Variants in MBNL2 observed in about 807,000 individuals in gnomAD.
MBNL2 encodes the protein muscleblind-like protein 2.
MBNL2 carries 17 observed loss-of-function variants against 41.9 expected under a neutral mutation model. That is an observed-to-expected ratio of 0.41 (90% confidence interval 0.28 to 0.61). The LOEUF is 0.61. Ranked by LOEUF, MBNL2 falls within the 20% of genes least tolerant of loss-of-function variation. The pLI, the probability that MBNL2 is intolerant of heterozygous loss-of-function variation, is 0.35. For synonymous variants in MBNL2, 195 were observed against 182.9 expected (o/e 1.07, Z -0.53); for missense variants, 336 against 505.6 (o/e 0.66, Z 3.22).
At chr13:97,353,386 A>G (rs2062678561) in intron 5 of MBNL2, among the ~76,000 whole-genome samples, 1 of 152,262 alleles carries the variant, frequency 6.6e-6, no homozygotes, top group Admixed American at 6.5e-5. Context: ...TACTCAGTAC[A>G]CAGAAGAAAA....
intron 8 of MBNL2, among the ~76,000 whole-genome samples, chr13:97,383,703 G>A (rs574637467): frequency 6.6e-6 from 1 of 152,222 alleles, no homozygotes; most frequent in Admixed American, 6.5e-5. Flanking sequence ...GAGTAAAGCT[G>A]ATTGTCATAT....
rs926955948 is a variant in MBNL2, at chr13:97,276,060, G to T, written c.-176G>T. ...GGGACATATTGATTGATGAGTGATTGCCTGTCCATACACTCTCTCATCATC... is the reference window on the plus strand; with the variant it reads ...GGGACATATTGATTGATGAGTGATTTCCTGTCCATACACTCTCTCATCATC... On this transcript the variant is annotated 5_prime_UTR_variant, in exon 2 of 9. Coordinates refer to ENST00000679496, the MANE Select transcript of MBNL2 (RefSeq NM_001382683.1). 22 of 539,914 alleles carry T rather than the reference G, an allele frequency of 4.1e-5. No homozygotes were observed. The highest frequency in any genetic ancestry group is 1.9e-4 in the African/African-American group (10 of 52,326). 33.4% of individuals were successfully genotyped at this position (539,914 alleles called of 1,614,324 possible).
At chr13:97,379,527 G>A (rs1464791847) in intron 8 of MBNL2, among the ~76,000 whole-genome samples, 2 of 152,160 alleles carry the variant, frequency 1.3e-5, no homozygotes, top group African/African-American at 4.8e-5. Context: ...GCCTGCAGGA[G>A]CGACTGTAAA....
intron 8 of MBNL2, among the ~76,000 whole-genome samples, chr13:97,376,725 G>A (rs1188299698): frequency 6.6e-6 from 1 of 152,138 alleles, no homozygotes; most frequent in Non-Finnish European, 1.5e-5. Context: ...GGCATTGTAG[G>A]TCTGACTTGA....
chr13:97,229,892 T>C (rs1480017424), intron 1 of MBNL2, among the ~76,000 whole-genome samples: 1 of 152,176 alleles, frequency 6.6e-6, no homozygotes, highest in African/African-American at 2.4e-5. Flanking sequence ...ACTTTCACAA[T>C]ATTCCAGGTA....
intron 4 of MBNL2, among the ~76,000 whole-genome samples, chr13:97,345,638 T>C (rs1429508094): frequency 1.3e-5 from 2 of 152,194 alleles, no homozygotes; most frequent in Non-Finnish European, 2.9e-5. Context: ...AATAGTATAG[T>C]GACCTTAAAA....
chr13:97,316,082 C>T (rs906160216), intron 2 of MBNL2, among the ~76,000 whole-genome samples: 1 of 152,218 alleles, frequency 6.6e-6, no homozygotes, highest in Admixed American at 6.5e-5. Context: ...GTCTTATAGG[C>T]ATCTCAAACA....
At chr13:97,374,209 G>A (rs1252358012) in intron 8 of MBNL2, among the ~76,000 whole-genome samples, 1 of 151,470 alleles carries the variant, frequency 6.6e-6, no homozygotes, top group Non-Finnish European at 1.5e-5. Flanking sequence ...GTGCAGTGGC[G>A]CGATCTCGGC....
intron 1 of MBNL2, among the ~76,000 whole-genome samples, chr13:97,228,536 T>TC (rs1594060561): frequency 6.8e-6 from 1 of 147,862 alleles, no homozygotes; most frequent in African/African-American, 2.5e-5. Context: ...TATCTTTTTT[T>TC]TTTTTTTTTT....
the MBNL2 span, among the ~76,000 whole-genome samples, chr13:97,197,162 T>C: frequency 6.6e-6 from 1 of 152,216 alleles, no homozygotes; most frequent in East Asian, 1.9e-4. Context: ...TTTTCTCTAG[T>C]TGAAGTAACA....
intron 1 of MBNL2, among the ~76,000 whole-genome samples, chr13:97,225,095 G>A (rs2041398435): frequency 6.6e-6 from 1 of 152,220 alleles, no homozygotes; most frequent in Admixed American, 6.5e-5. Flanking sequence ...CCTTCTCTCT[G>A]CTAGTTGTTT....
chr13:97,226,266 G>A (rs9300397), intron 1 of MBNL2, among the ~76,000 whole-genome samples: 84 of 152,306 alleles, frequency 5.5e-4, no homozygotes, highest in African/African-American at 1.9e-3. Flanking sequence ...GCTGATGGAC[G>A]AGTTTTGGGC....
At chr13:97,160,321 G>A in the MBNL2 span, among the ~76,000 whole-genome samples, 2 of 152,250 alleles carry the variant, frequency 1.3e-5, no homozygotes, top group Admixed American at 1.3e-4. Flanking sequence ...CAAAAGGCAA[G>A]AAGAAGCCCC....
intron 2 of MBNL2, among the ~76,000 whole-genome samples, chr13:97,276,681 T>C (rs1375702283): frequency 6.6e-6 from 1 of 152,216 alleles, no homozygotes; most frequent in Non-Finnish European, 1.5e-5. Flanking sequence ...AAAGTCTGGC[T>C]TGTGACAACT....
chr13:97,261,945 C>T (rs774776718), intron 1 of MBNL2, among the ~76,000 whole-genome samples: 4 of 152,222 alleles, frequency 2.6e-5, no homozygotes, highest in Non-Finnish European at 5.9e-5. Context: ...CACGCTGGCC[C>T]ATACCTCTAC....
the MBNL2 span, among the ~76,000 whole-genome samples, chr13:97,204,277 G>T: frequency 1.3e-5 from 2 of 152,342 alleles, no homozygotes; most frequent in East Asian, 3.9e-4. Flanking sequence ...TGAGGCGAGG[G>T]CTGGGATTTG....
the MBNL2 span, among the ~76,000 whole-genome samples, chr13:97,154,958 G>A: frequency 4.7e-4 from 72 of 152,134 alleles, no homozygotes; most frequent in African/African-American, 1.6e-3. Context: ...GAGTATTGGG[G>A]ACTTTTTTGA....
chr13:97,285,365 G>A (rs1397416386), intron 2 of MBNL2, among the ~76,000 whole-genome samples: 1 of 152,198 alleles, frequency 6.6e-6, no homozygotes, highest in Non-Finnish European at 1.5e-5. Flanking sequence ...ATGAACAAAT[G>A]ACTCAGCTCT....
intron 2 of MBNL2, among the ~76,000 whole-genome samples, chr13:97,320,859 G>A (rs1174458716): frequency 6.6e-6 from 1 of 152,014 alleles, no homozygotes; most frequent in Non-Finnish European, 1.5e-5. Context: ...AGGTTGCAGT[G>A]AGCCGAGATC....
Sources: gnomAD v4.1 joint callset for allele counts (sites outside exome capture counted in the v4.1 genomes callset) on GRCh38, gnomAD v4.1.1 for gene constraint, MANE v1.5 for transcripts, NCBI Gene and HGNC (gene_info 2026-07-23, HGNC 2026-07-21) for gene names.